BBS9: variants seen among roughly 807,000 people sequenced by gnomAD.
The protein encoded by BBS9 is Bardet-Biedl syndrome 9.
BBS9 carries 89 observed loss-of-function variants against 117.7 expected under a neutral mutation model. The observed-to-expected ratio is 0.76, with a 90% CI of 0.64 to 0.90. The LOEUF is 0.90. BBS9 is among the 40% of genes least tolerant of loss of function. BBS9 has a pLI of 0.00. For missense variants in BBS9, 982 were observed against 1,042.2 expected (o/e 0.94, Z 0.80); for synonymous variants, 379 against 370.9 (o/e 1.02, Z -0.25).
chr7:33,567,687 A>T (rs947301439), intron 21 of BBS9, among the ~76,000 whole-genome samples: 17 of 152,122 alleles, frequency 1.1e-4, no homozygotes, highest in Admixed American at 9.2e-4. Flanking sequence ...TTCTCTCCCA[A>T]GCTCTAGATC....
intron 16 of BBS9, among the ~76,000 whole-genome samples, chr7:33,366,498 C>A (rs1384753008): frequency 4.6e-5 from 7 of 151,466 alleles, no homozygotes; most frequent in African/African-American, 1.7e-4. Context: ...ACATCCTTTA[C>A]CCCCGTGATG....
intron 17 of BBS9, among the ~76,000 whole-genome samples, chr7:33,379,455 A>T (rs1020532653): frequency 1.3e-5 from 2 of 152,158 alleles, no homozygotes; most frequent in Admixed American, 6.5e-5. Flanking sequence ...ATTTAGGCTA[A>T]CCCCAAGTTT....
chr7:33,404,770 T>A (rs960455679), intron 19 of BBS9, among the ~76,000 whole-genome samples: 3 of 152,082 alleles, frequency 2.0e-5, no homozygotes, highest in Non-Finnish European at 4.4e-5. Context: ...TTTCTAGATA[T>A]ACAGTCATGT....
At chr7:33,624,567 T>C (rs1242431809) in intron 21 of BBS9, among the ~76,000 whole-genome samples, 3 of 152,250 alleles carry the variant, frequency 2.0e-5, no homozygotes, top group Non-Finnish European at 4.4e-5. Context: ...TAAAGTAATT[T>C]GCTTCACCAG....
intron 5 of BBS9, among the ~76,000 whole-genome samples, chr7:33,246,312 A>G (rs1336903088): frequency 2.0e-5 from 3 of 149,542 alleles, no homozygotes; most frequent in African/African-American, 7.4e-5. Context: ...TTTTTTTTCC[A>G]CAACATTAAT....
intron 12 of BBS9, among the ~76,000 whole-genome samples, chr7:33,347,162 C>T (rs1030982858): frequency 6.6e-6 from 1 of 152,032 alleles, no homozygotes; most frequent in Non-Finnish European, 1.5e-5. Context: ...TGGTACCTGT[C>T]AAACATTTTT....
At position 33,209,868 on chromosome 7, in the gene BBS9, G is replaced by C. The variant is rs970503497; in HGVS notation, c.442+32277G>C. 1.4e-4 allele frequency among the ~76,000 whole-genome samples: 22 copies of C among 152,050 alleles called. No homozygotes were observed. In the East Asian group the frequency reaches 4.2e-3, roughly 29 times the overall value. On this transcript the variant is annotated intron_variant, in intron 5 of 22. Coordinates refer to ENST00000242067, the MANE Select transcript of BBS9 (RefSeq NM_198428.3). ...TTTTGTGTCATTGATCCTTTCTACT[G>C]TTTTGTTAATTTCAAATTCATTTAT...
At chr7:33,304,943 G>A (rs182146555) in intron 9 of BBS9, among the ~76,000 whole-genome samples, 10 of 152,030 alleles carry the variant, frequency 6.6e-5, no homozygotes, top group African/African-American at 1.9e-4. Context: ...CAGCATGCTC[G>A]TTAAGAGTCA....
intron 4 of BBS9, among the ~76,000 whole-genome samples, chr7:33,170,135 A>C (rs36200847): frequency 0.15 from 22,536 of 148,676 alleles, 1,852 homozygotes; most frequent in South Asian, 0.19. Flanking sequence ...CAAAGCCTGG[A>C]AGAGACACAA....
At chr7:33,193,396 T>C (rs969211595) in intron 5 of BBS9, among the ~76,000 whole-genome samples, 2 of 151,680 alleles carry the variant, frequency 1.3e-5, no homozygotes, top group Non-Finnish European at 2.9e-5. Context: ...CTTTCGCATA[T>C]TGTCTTCCCC....
intron 11 of BBS9, 81 bp downstream of exon 11, chr7:33,341,054 AG>A (rs1215963449): frequency 1.5e-5 from 19 of 1,249,312 alleles, no homozygotes; most frequent in Non-Finnish European, 2.2e-5. Flanking sequence ...ATTGGTTTAA[AG>A]TTTGGTCCTC....
In BBS9 at chr7:33,177,005, A is replaced by G. The variant is rs115306441; in HGVS notation, c.329-473A>G. 4.2e-3 allele frequency among the ~76,000 whole-genome samples: 640 copies of G among 152,326 alleles called. 2 individuals are homozygous for G. The highest frequency in any genetic ancestry group is 0.015 in the African/African-American group (623 of 41,578). ...TGAGGGAAGCTTAGAAAATTTCTCAATTAAATTAGAATATAATTAGGGGCT... is the reference window on the plus strand; with the variant it reads ...TGAGGGAAGCTTAGAAAATTTCTCAGTTAAATTAGAATATAATTAGGGGCT... On this transcript the variant is annotated intron_variant, in intron 4 of 22. Coordinates refer to ENST00000242067, the MANE Select transcript of BBS9 (RefSeq NM_198428.3).
intron 9 of BBS9, among the ~76,000 whole-genome samples, chr7:33,312,795 T>C (rs1391220639): frequency 1.3e-5 from 2 of 152,180 alleles, no homozygotes. Flanking sequence ...TCTGCTTAAT[T>C]TTCCTTCATA....
chr7:33,172,295 G>T (rs1293039919), intron 4 of BBS9, among the ~76,000 whole-genome samples: 1 of 151,922 alleles, frequency 6.6e-6, no homozygotes, highest in African/African-American at 2.4e-5. Flanking sequence ...GCAGGAGAAT[G>T]GCATTAACCC....
At chr7:33,562,268 C>T (rs1265290061) in intron 21 of BBS9, among the ~76,000 whole-genome samples, 1 of 152,082 alleles carries the variant, frequency 6.6e-6, no homozygotes, top group African/African-American at 2.4e-5. Context: ...GTGGTATATA[C>T]AACAAAGTGA....
chr7:33,170,822 G>C (rs1352261288), intron 4 of BBS9, among the ~76,000 whole-genome samples: 2 of 151,738 alleles, frequency 1.3e-5, no homozygotes, highest in Non-Finnish European at 2.9e-5. Context: ...GACAAACAGA[G>C]AGCCAAATCA....
chr7:33,575,633 T>A (rs558990377), intron 21 of BBS9, among the ~76,000 whole-genome samples: 1 of 152,282 alleles, frequency 6.6e-6, no homozygotes, highest in South Asian at 2.1e-4. Flanking sequence ...ATATCCCTGA[T>A]GAACATCGAT....
chr7:33,406,120 A>G (rs1829934065), intron 19 of BBS9, among the ~76,000 whole-genome samples: 1 of 152,146 alleles, frequency 6.6e-6, no homozygotes, highest in Admixed American at 6.5e-5. Context: ...ATTCAGGAGC[A>G]GGTTGTTCAG....
rs1402588994 is a variant in BBS9, at chr7:33,629,471, G to A, written c.2522-5706G>A. ...GGTGGCAAACTTGGCTCTGCTGTTC[G>A]ATCGCTATGTGACGTCAGCCAGTGA... On this transcript the variant is annotated intron_variant, in intron 21 of 21. Transcript: ENST00000671952. 7.9e-5 allele frequency among the ~76,000 whole-genome samples: 12 copies of A among 152,096 alleles called. No homozygotes were observed. In the East Asian group the frequency reaches 1.2e-3, roughly 15 times the overall value.
Sources: allele counts gnomAD v4.1 joint callset (sites outside exome capture counted in the v4.1 genomes callset), GRCh38; gene constraint gnomAD v4.1.1; transcripts MANE v1.5; gene names NCBI Gene and HGNC (gene_info 2026-07-23, HGNC 2026-07-21).